Variants in VPS37A observed in about 807,000 individuals in gnomAD.
VPS37A encodes the protein vacuolar protein sorting-associated protein 37A.
In VPS37A, 30 loss-of-function variants were observed where a neutral mutation model predicts 49.8. The ratio of observed to expected loss-of-function variants is 0.60; its 90% confidence interval spans 0.45 to 0.82. The LOEUF is 0.82. Ranked by LOEUF, VPS37A falls within the 40% of genes least tolerant of loss-of-function variation. The pLI, the probability that VPS37A is intolerant of heterozygous loss-of-function variation, is 0.00. For missense variants in VPS37A, 593 were observed against 464.4 expected (o/e 1.28, Z -2.55); for synonymous variants, 195 against 160.6 (o/e 1.21, Z -1.62).
At chr8:17,318,235 A>C in the VPS37A span, among the ~76,000 whole-genome samples, 1 of 152,132 alleles carries the variant, frequency 6.6e-6, no homozygotes, top group Non-Finnish European at 1.5e-5. Context: ...CCCCAAGATA[A>C]GGAATTATCA....
chr8:17,331,545 G>A, the VPS37A span, among the ~76,000 whole-genome samples: 1 of 152,200 alleles, frequency 6.6e-6, no homozygotes, highest in Non-Finnish European at 1.5e-5. Flanking sequence ...CCCTTCTGGA[G>A]ATGTCACTTG....
chr8:17,283,809 G>A (rs1284175666), intron 9 of VPS37A, among the ~76,000 whole-genome samples: 1 of 152,012 alleles, frequency 6.6e-6, no homozygotes. Context: ...GGCTATTTGG[G>A]GTCTCTTGAG....
At chr8:17,248,160 T>C in intron 1 of VPS37A, 1 of 366,164 alleles carries the variant, frequency 2.7e-6, no homozygotes, top group Non-Finnish European at 5.3e-6. Flanking sequence ...TTTCAAAAAT[T>C]AGAACTGCTT....
intron 1 of VPS37A, among the ~76,000 whole-genome samples, chr8:17,260,761 C>T (rs146720853): frequency 5.2e-4 from 79 of 152,140 alleles, no homozygotes; most frequent in Non-Finnish European, 9.9e-4. Flanking sequence ...TTTGTTTGTT[C>T]GTTTTTTCCT....
At chr8:17,263,967 C>T (rs1303443053) in intron 1 of VPS37A, among the ~76,000 whole-genome samples, 1 of 152,118 alleles carries the variant, frequency 6.6e-6, no homozygotes, top group Non-Finnish European at 1.5e-5. Flanking sequence ...AACTTTAATA[C>T]TATAAATCTA....
the VPS37A span, among the ~76,000 whole-genome samples, chr8:17,312,568 C>A: frequency 0.15 from 15,676 of 104,070 alleles, 1,200 homozygotes; most frequent in Non-Finnish European, 0.2. Flanking sequence ...GAGCGAGACT[C>A]CCTCTCAAAA....
Position 17,283,881 on chromosome 8 carries a change from A to T in VPS37A, c.970-592A>T, listed in dbSNP as rs138626462. On this transcript the variant is annotated intron_variant, in intron 9 of 11. Coordinates refer to ENST00000324849, the MANE Select transcript of VPS37A (RefSeq NM_152415.3). ...TGCAAAAAATGCCCTTGAGATTTTG[A>T]TAGGGATTGCATTGAGTCTATAGGT... is the stretch of plus-strand genomic sequence containing the variant. 1.5e-3 allele frequency among the ~76,000 whole-genome samples: 228 copies of T among 152,296 alleles called. 1 individual carries two copies. The highest frequency in any genetic ancestry group is 2.3e-3 in the Non-Finnish European group (154 of 68,024).
chr8:17,257,938 ATT>A (rs1248738212), intron 1 of VPS37A, among the ~76,000 whole-genome samples: 1 of 151,948 alleles, frequency 6.6e-6, no homozygotes, highest in Non-Finnish European at 1.5e-5. Flanking sequence ...TAGATTGTTT[ATT>A]GTTAGCATAT....
chr8:17,302,712 C>G (rs921574502), downstream of VPS37A, among the ~76,000 whole-genome samples: 4 of 72,330 alleles, frequency 5.5e-5, no homozygotes, highest in Non-Finnish European at 8.2e-5. Flanking sequence ...AACCCCCCCC[C>G]CCCCGCTTTT....
downstream of VPS37A, chr8:17,302,384 C>A (rs1817174841): frequency 3.8e-6 from 5 of 1,299,134 alleles, no homozygotes; most frequent in Non-Finnish European, 5.1e-6. Flanking sequence ...TTAATAATAA[C>A]CAAATGCAAA....
downstream of VPS37A, chr8:17,298,817 A>G (rs1816909918): frequency 6.6e-6 from 1 of 152,524 alleles, no homozygotes; most frequent in South Asian, 2.1e-4. Context: ...AGTGTAACAA[A>G]ACAAAAATTC....
chr8:17,317,876 T>A, the VPS37A span, among the ~76,000 whole-genome samples: 1 of 152,206 alleles, frequency 6.6e-6, no homozygotes, highest in African/African-American at 2.4e-5. Flanking sequence ...TTCCATGACC[T>A]CCTCTTTCAA....
rs1367132722 is a variant in VPS37A, at chr8:17,276,484, A to C, written c.713+17A>C. ...AGAACTAAGGTAAACCTGGAAAGTA[A>C]AGTTGGTCACATTGTCTATTTTATT... is the stretch of plus-strand genomic sequence containing the variant. On this transcript the variant is annotated intron_variant, in intron 6 of 11. Coordinates refer to ENST00000324849, the MANE Select transcript of VPS37A (RefSeq NM_152415.3). The C allele has an allele frequency of 1.2e-6, 2 of 1,602,764 alleles. No homozygotes were observed. The highest frequency in any genetic ancestry group is 2.7e-5 in the African/African-American group (2 of 74,262).
At chr8:17,331,403 C>T in the VPS37A span, 5 of 1,040,382 alleles carry the variant, frequency 4.8e-6, no homozygotes, top group Non-Finnish European at 6.7e-6. Context: ...AAACATAATA[C>T]GCTTATTTGA....
rs140059062 is a variant in VPS37A, at chr8:17,247,306, G to T, written c.62G>T (p.Gly21Val). The stretch of plus-strand genomic sequence containing the variant: ...TCCTCCGCGGCTGGGTCCCCCGGTG[G>T]CCTCACCAGCCTCCAGCAGCAGAAG... The part of the protein sequence containing the change: ...ASSSAAGSPG[G>V]LTSLQQQKQR... The change falls in exon 1 of 12, where the codon GGC becomes GTC. Residue 21 changes from glycine (G) to valine (V), a missense_variant. Physicochemically the swap from Gly to Val is moderately radical, Grantham distance 109 (BLOSUM62 -3). Transcript: ENST00000324849. The T allele has an allele frequency of 1.9e-6, 3 of 1,553,836 alleles. No homozygotes were observed. Among genetic ancestry groups the T allele is most frequent in the Non-Finnish European group, 1.7e-6 (2 of 1,149,614 alleles).
At chr8:17,300,375 G>A (rs144540473), downstream of VPS37A, 28 of 796,446 alleles carry the variant, frequency 3.5e-5, no homozygotes, top group Middle Eastern at 3.8e-4. Context: ...TGGACTTCAC[G>A]ACCTTGGACA....
At chr8:17,269,125 CTAA>C (rs781539238) in intron 4 of VPS37A, among the ~76,000 whole-genome samples, 169 bp downstream of exon 4, 11 of 152,124 alleles carry the variant, frequency 7.2e-5, no homozygotes, top group Admixed American at 5.9e-4. Flanking sequence ...CCTGTTTCTT[CTAA>C]TGTTTACCTA....
chr8:17,248,735 G>A (rs1000135745), intron 1 of VPS37A, among the ~76,000 whole-genome samples: 7 of 152,190 alleles, frequency 4.6e-5, no homozygotes, highest in African/African-American at 1.7e-4. Context: ...AAGGCCTGAT[G>A]CTGACTGAAC....
intron 1 of VPS37A, among the ~76,000 whole-genome samples, chr8:17,250,945 C>G (rs1206277354): frequency 6.6e-6 from 1 of 152,168 alleles, no homozygotes; most frequent in Non-Finnish European, 1.5e-5. Context: ...AATATGTTCT[C>G]TCTTCTAAGT....
Sources: gnomAD v4.1 joint callset for allele counts (sites outside exome capture counted in the v4.1 genomes callset) on GRCh38, gnomAD v4.1.1 for gene constraint, MANE v1.5 for transcripts, NCBI Gene and HGNC (gene_info 2026-07-23, HGNC 2026-07-21) for gene names.